Variants in KIF6 observed in about 807,000 individuals in gnomAD.
KIF6 encodes the protein kinesin-like protein KIF6.
Under a neutral mutation model 112.7 loss-of-function variants are expected in KIF6, and 106 were observed. The observed-to-expected ratio is 0.94, with a 90% CI of 0.80 to 1.11. The LOEUF is 1.11. KIF6 is among the 50% of genes least tolerant of loss of function. The pLI is 0.00. For missense variants in KIF6, 929 were observed against 964.0 expected (o/e 0.96, Z 0.48); for synonymous variants, 339 against 339.9 (o/e 1.00, Z 0.03).
chr6:39,362,650 T>C (rs1025232548), intron 16 of KIF6, 132 bp from the exon 17 acceptor site: 7 of 706,206 alleles, frequency 9.9e-6, no homozygotes, highest in Non-Finnish European at 1.8e-5. Context: ...CTGGGGCCTC[T>C]TGGTGGCAAC....
chr6:39,467,337 C>A (rs533448528), intron 13 of KIF6, among the ~76,000 whole-genome samples: 8 of 152,312 alleles, frequency 5.3e-5, no homozygotes, highest in African/African-American at 1.9e-4. Context: ...TCAAAGACTA[C>A]CCCTGCAAAT....
At chr6:39,638,571 T>C (rs1359837368) in intron 4 of KIF6, among the ~76,000 whole-genome samples, 1 of 152,150 alleles carries the variant, frequency 6.6e-6, no homozygotes, top group African/African-American at 2.4e-5. Context: ...TAGAGAAAGA[T>C]GAGCTGAACT....
chr6:39,512,058 C>T lies in KIF6; in HGVS notation c.1645+27945G>A, dbSNP rs942215035. Among the ~76,000 whole-genome samples the T allele has an allele frequency of 7.2e-5, 11 of 152,204 alleles. 1 individual carries two copies. The highest frequency in any genetic ancestry group is 4.2e-4 in the South Asian group (2 of 4,814). ...TGTATACCTATGTAACAAACCTGCA[C>T]GTTGTGCACATGTACCCTAGAACTT... On this transcript the variant is annotated intron_variant, in intron 13 of 22. Transcript: ENST00000287152.
chr6:39,345,547 G>A (rs146459902), intron 21 of KIF6, among the ~76,000 whole-genome samples, 153 bp downstream of exon 21: 49 of 152,334 alleles, frequency 3.2e-4, no homozygotes, highest in African/African-American at 1.2e-3. Context: ...AGAGATTCCA[G>A]GGAATTCCCA....
chr6:39,617,598 T>C (rs2150729178), intron 5 of KIF6: 1 of 392,330 alleles, frequency 2.5e-6, no homozygotes, highest in African/African-American at 2.0e-5. Flanking sequence ...ATTCACATCA[T>C]GGGTTTGTAT....
At chr6:39,594,317 A>G (rs1312419864) in intron 7 of KIF6, among the ~76,000 whole-genome samples, 1 of 152,220 alleles carries the variant, frequency 6.6e-6, no homozygotes, top group African/African-American at 2.4e-5. Context: ...GATGGATATA[A>G]TGGAAATTAA....
At chr6:39,496,921 A>G (rs1306435768) in intron 13 of KIF6, among the ~76,000 whole-genome samples, 5 of 152,258 alleles carry the variant, frequency 3.3e-5, no homozygotes, top group Non-Finnish European at 7.3e-5. Flanking sequence ...ACTCTTGTAC[A>G]GATTTACAAA....
At chr6:39,607,550 C>T (rs1345255791) in intron 6 of KIF6, among the ~76,000 whole-genome samples, 1 of 152,108 alleles carries the variant, frequency 6.6e-6, no homozygotes, top group Non-Finnish European at 1.5e-5. Context: ...CTTCTAGCTA[C>T]TTATCAGGGC....
intron 13 of KIF6, among the ~76,000 whole-genome samples, chr6:39,475,159 C>T (rs1244774741): frequency 6.6e-6 from 1 of 152,196 alleles, no homozygotes; most frequent in East Asian, 1.9e-4. Flanking sequence ...GCAAGTCACT[C>T]AACCTTTCTA....
intron 13 of KIF6, among the ~76,000 whole-genome samples, chr6:39,525,935 C>T (rs1323736258): frequency 1.3e-5 from 2 of 152,072 alleles, no homozygotes; most frequent in Non-Finnish European, 1.5e-5. Context: ...AAATGTTGGT[C>T]GGGATTCTAC....
intron 13 of KIF6, among the ~76,000 whole-genome samples, chr6:39,473,156 G>A (rs1774228749): frequency 6.6e-6 from 1 of 151,924 alleles, no homozygotes; most frequent in African/African-American, 2.4e-5. Flanking sequence ...AAAGTGCTGG[G>A]ATTACAGGCG....
Position 39,345,690 on chromosome 6 carries a change from G to A in KIF6, c.2321+10C>T. ...GGCTGTCACAGGCATAACAGGAGAA[G>A]ACCACAGACCTGTCTTCCAGTGGGG... On this transcript the variant is annotated intron_variant, in intron 21 of 22. Coordinates refer to ENST00000287152, the MANE Select transcript of KIF6 (RefSeq NM_145027.6). 6.2e-7 allele frequency: 1 copy of A among 1,609,826 alleles called. No individual in the cohort carries two copies. The highest frequency in any genetic ancestry group is 8.5e-7 in the Non-Finnish European group (1 of 1,177,800).
rs1349830684 is a variant in KIF6, at chr6:39,687,453, G to C, written c.251+27239C>G. 2.0e-5 allele frequency among the ~76,000 whole-genome samples: 3 copies of C among 152,194 alleles called. No homozygotes were observed. In the South Asian group the frequency reaches 6.2e-4, roughly 32 times the overall value. On this transcript the variant is annotated intron_variant, in intron 3 of 22. Coordinates refer to ENST00000287152, the MANE Select transcript of KIF6 (RefSeq NM_145027.6). ...CAAAGAATTGTTCTCTAAAAGGTCT[G>C]AAAGTAATAAGTAAAATTTGAACTT...
In KIF6 at chr6:39,467,493, A is replaced by G. The variant is rs148575487; in HGVS notation, c.1646-36332T>C. Among the ~76,000 whole-genome samples the G allele has an allele frequency of 7.1e-3, 1,059 of 148,236 alleles. 9 individuals carry two copies. Among genetic ancestry groups the G allele is most frequent in the Middle Eastern group, 0.051 (14 of 274 alleles). The stretch of plus-strand genomic sequence containing the variant: ...AGTCAGCTTAGCAGAGATATCAGGG[A>G]AAAAAAAAACACAGAGAGAGGCAGC... On this transcript the variant is annotated intron_variant, in intron 13 of 22. Coordinates refer to ENST00000287152, the MANE Select transcript of KIF6 (RefSeq NM_145027.6).
intron 15 of KIF6, among the ~76,000 whole-genome samples, chr6:39,396,681 A>G (rs189556725): frequency 6.6e-6 from 1 of 152,296 alleles, no homozygotes; most frequent in East Asian, 1.9e-4. Flanking sequence ...AAATAGGGTG[A>G]TAACACCAAC....
chr6:39,375,998 G>A (rs1236150098), intron 16 of KIF6, among the ~76,000 whole-genome samples: 5 of 152,184 alleles, frequency 3.3e-5, no homozygotes, highest in Non-Finnish European at 5.9e-5. Flanking sequence ...GCAGGGAAAT[G>A]GTGTGCAGGC....
chr6:39,531,265 T>A (rs1778044543), intron 13 of KIF6, among the ~76,000 whole-genome samples: 1 of 152,212 alleles, frequency 6.6e-6, no homozygotes, highest in South Asian at 2.1e-4. Flanking sequence ...TAAACTTTAT[T>A]CATTCTCCAA....
chr6:39,522,775 C>T (rs1411293081), intron 13 of KIF6, among the ~76,000 whole-genome samples: 6 of 152,338 alleles, frequency 3.9e-5, no homozygotes, highest in African/African-American at 1.2e-4. Flanking sequence ...CTGCCTTTCA[C>T]AGTTCTCCTT....
At chr6:39,712,330 A>G (rs1016309346) in intron 3 of KIF6, among the ~76,000 whole-genome samples, 1 of 152,310 alleles carries the variant, frequency 6.6e-6, no homozygotes, top group African/African-American at 2.4e-5. Flanking sequence ...TCAGGAAAAA[A>G]AAAAGAATAC....
Sources: gnomAD v4.1 joint callset for allele counts (sites outside exome capture counted in the v4.1 genomes callset) on GRCh38, gnomAD v4.1.1 for gene constraint, MANE v1.5 for transcripts, NCBI Gene and HGNC (gene_info 2026-07-23, HGNC 2026-07-21) for gene names.